CTIF: variants seen among roughly 807,000 people sequenced by gnomAD.
CTIF encodes the protein CBP80/20-dependent translation initiation factor.
A neutral mutation model predicts 66.0 loss-of-function variants in CTIF; 21 were observed. The ratio of observed to expected loss-of-function variants is 0.32; its 90% CI spans 0.23 to 0.46. The LOEUF (loss-of-function observed/expected upper bound fraction) is 0.46, where lower values mean the gene tolerates loss of function less well. CTIF is among the 20% of genes least tolerant of loss of function. CTIF has a pLI of 1.00. For missense variants in CTIF, 739 were observed against 812.7 expected (o/e 0.91, Z 1.10); for synonymous variants, 345 against 326.4 (o/e 1.06, Z -0.62).
chr18:48,832,773 G>T (rs973959610), intron 10 of CTIF, among the ~76,000 whole-genome samples: 1 of 152,188 alleles, frequency 6.6e-6, no homozygotes, highest in Non-Finnish European at 1.5e-5. Context: ...CTTAGGAAAC[G>T]CAAACACACT....
At chr18:48,679,016 C>T (rs1438558728) in intron 6 of CTIF, among the ~76,000 whole-genome samples, 2 of 152,216 alleles carry the variant, frequency 1.3e-5, no homozygotes, top group Non-Finnish European at 2.9e-5. Context: ...TGGACCCTAT[C>T]GCCGGCAAAG....
At position 48,862,082 on chromosome 18, in the gene CTIF, C is replaced by T. The variant is rs960670982; in HGVS notation, c.*2523C>T. The T allele has an allele frequency of 3.3e-5, 5 of 151,800 alleles. No homozygotes were observed. The highest frequency in any genetic ancestry group is 1.2e-4 in the African/African-American group (5 of 41,270). The allele number at this position is 151,800 out of a possible 1,614,324, so 9.4% of individuals were successfully genotyped here. A position where few individuals can be genotyped will look rare whatever the true frequency, so the allele number is the denominator to read the frequency against. Reference sequence around the variant, plus strand: ...TTTTTTAAAGAAACAACAGTCAAGCCTAAAATTTGAGACCCCGAGGCAGCT... The same window carrying T: ...TTTTTTAAAGAAACAACAGTCAAGCTTAAAATTTGAGACCCCGAGGCAGCT... On this transcript the variant is annotated 3_prime_UTR_variant, in exon 12 of 12. Transcript: ENST00000256413.
At chr18:48,664,761 T>C (rs1340397697) in intron 5 of CTIF, among the ~76,000 whole-genome samples, 1 of 152,004 alleles carries the variant, frequency 6.6e-6, no homozygotes, top group African/African-American at 2.4e-5. Context: ...AGCCATGCCA[T>C]CCCCACCTGC....
At chr18:48,639,805 T>A (rs2090893400) in intron 3 of CTIF, among the ~76,000 whole-genome samples, 2 of 152,270 alleles carry the variant, frequency 1.3e-5, no homozygotes, top group South Asian at 4.1e-4. Flanking sequence ...GTGTTGCCCT[T>A]GGCCACGTGG....
At chr18:48,693,994 C>T (rs530873270) in intron 6 of CTIF, among the ~76,000 whole-genome samples, 1 of 152,314 alleles carries the variant, frequency 6.6e-6, no homozygotes, top group South Asian at 2.1e-4. Flanking sequence ...TTTTTAAAAC[C>T]ACATTTTGGA....
At chr18:48,676,999 G>C (rs948690787) in intron 6 of CTIF, among the ~76,000 whole-genome samples, 1 of 152,056 alleles carries the variant, frequency 6.6e-6, no homozygotes, top group South Asian at 2.1e-4. Context: ...GGTCCTGGGC[G>C]GGAGGCCGGG....
chr18:48,545,306 A>G (rs2088719102), intron 1 of CTIF, among the ~76,000 whole-genome samples: 1 of 152,164 alleles, frequency 6.6e-6, no homozygotes, highest in South Asian at 2.1e-4. Flanking sequence ...AAGGACTTTA[A>G]TCAGAGAGGT....
At chr18:48,658,870 G>C (rs2091290835) in intron 3 of CTIF, among the ~76,000 whole-genome samples, 1 of 152,156 alleles carries the variant, frequency 6.6e-6, no homozygotes. Context: ...AGGGCAAGTG[G>C]GCCCTGGGGA....
intron 9 of CTIF, among the ~76,000 whole-genome samples, chr18:48,793,870 A>G (rs1309112225): frequency 6.6e-6 from 1 of 152,170 alleles, no homozygotes; most frequent in Non-Finnish European, 1.5e-5. Flanking sequence ...CAGGCAGCCA[A>G]TACACAGACC....
intron 10 of CTIF, among the ~76,000 whole-genome samples, chr18:48,841,472 C>T (rs866770515): frequency 8.5e-5 from 13 of 152,320 alleles, no homozygotes; most frequent in Middle Eastern, 3.4e-3. Context: ...GGTTTAGTCG[C>T]CCCCAGGGAA....
At chr18:48,555,159 A>G (rs1599134660) in intron 1 of CTIF, among the ~76,000 whole-genome samples, 2 of 152,258 alleles carry the variant, frequency 1.3e-5, no homozygotes, top group South Asian at 2.1e-4. Flanking sequence ...TGAGTGGTGC[A>G]GGAATCATGC....
intron 9 of CTIF, among the ~76,000 whole-genome samples, chr18:48,794,943 A>G (rs554973987): frequency 1.2e-4 from 18 of 152,234 alleles, no homozygotes; most frequent in Middle Eastern, 3.4e-3. Context: ...TAGATGGGTC[A>G]GGGTGGGTGA....
chr18:48,564,607 G>A (rs2089238300), intron 1 of CTIF, among the ~76,000 whole-genome samples: 1 of 152,170 alleles, frequency 6.6e-6, no homozygotes, highest in African/African-American at 2.4e-5. Flanking sequence ...GGTGTAGGTG[G>A]TTGTGTAGGT....
intron 3 of CTIF, among the ~76,000 whole-genome samples, chr18:48,646,976 G>A (rs1268354183): frequency 1.3e-5 from 2 of 149,490 alleles, no homozygotes. Flanking sequence ...ACTCCTGGGT[G>A]TTTATCCCAG....
At chr18:48,586,111 G>T (rs143216884) in intron 1 of CTIF, among the ~76,000 whole-genome samples, 2 of 152,086 alleles carry the variant, frequency 1.3e-5, no homozygotes, top group East Asian at 3.9e-4. Context: ...AATGTCAAAG[G>T]CATCTTTGGT....
At chr18:48,684,774 C>A (rs1412706163) in intron 6 of CTIF, among the ~76,000 whole-genome samples, 5 of 152,126 alleles carry the variant, frequency 3.3e-5, no homozygotes, top group Admixed American at 2.6e-4. Context: ...TATCATTCTC[C>A]CTATGTAATT....
intron 10 of CTIF, among the ~76,000 whole-genome samples, chr18:48,830,147 A>G (rs1228375674): frequency 6.6e-6 from 1 of 152,002 alleles, no homozygotes; most frequent in Non-Finnish European, 1.5e-5. Flanking sequence ...CCTTGGGTAG[A>G]TGTGTTAATT....
intron 7 of CTIF, among the ~76,000 whole-genome samples, chr18:48,754,146 A>G (rs2145837774): frequency 6.6e-6 from 1 of 152,222 alleles, no homozygotes; most frequent in African/African-American, 2.4e-5. Flanking sequence ...GACCTCATGC[A>G]GTTATCACCA....
chr18:48,666,040 T>C (rs531866819), intron 5 of CTIF, among the ~76,000 whole-genome samples: 1 of 152,376 alleles, frequency 6.6e-6, no homozygotes, highest in East Asian at 1.9e-4. Context: ...CTGTGTTCCA[T>C]AGCAGCTGAA....
Sources: allele counts gnomAD v4.1 joint callset (sites outside exome capture counted in the v4.1 genomes callset), GRCh38; gene constraint gnomAD v4.1.1; transcripts MANE v1.5; gene names NCBI Gene and HGNC (gene_info 2026-07-23, HGNC 2026-07-21).